The following TMEM245 variants were observed in gnomAD, a reference collection of about 807,000 sequenced individuals.
TMEM245 encodes protein CG-2.
Under a neutral mutation model 101.2 loss-of-function variants are expected in TMEM245, and 69 were observed. That is an observed-to-expected ratio of 0.68 (90% CI 0.56 to 0.83). The LOEUF is 0.83. Ranked by LOEUF, TMEM245 falls within the 40% of genes least tolerant of loss-of-function variation. The pLI is 0.00. For synonymous variants in TMEM245, 537 were observed against 449.8 expected, an observed-to-expected ratio of 1.19 and a Z score of -2.45; for missense variants, 1,075 against 1,092.8, an observed-to-expected ratio of 0.98 and a Z score of 0.23.
chr9:109,111,648 G>T (rs1830570178), intron 1 of TMEM245, among the ~76,000 whole-genome samples: 1 of 152,030 alleles, frequency 6.6e-6, no homozygotes, highest in African/African-American at 2.4e-5. Context: ...ATATTCACTT[G>T]CCATTTACAA....
intron 5 of TMEM245, 38 bp from the exon 6 acceptor site, chr9:109,087,380 T>A (rs754377957): frequency 6.6e-7 from 1 of 1,522,224 alleles, no homozygotes; most frequent in African/African-American, 1.4e-5. Context: ...AAACAAAATA[T>A]AGATTAACAA....
chr9:109,040,134 G>A (rs568437251), intron 14 of TMEM245, among the ~76,000 whole-genome samples: 8 of 152,158 alleles, frequency 5.3e-5, no homozygotes, highest in Non-Finnish European at 1.0e-4. Context: ...TAAATGCACT[G>A]TATATTGTTT....
Position 109,050,331 on chromosome 9 carries a change from G to C in TMEM245, c.2075C>G (p.Pro692Arg). Reference protein sequence around the residue: ...WVISLTPLSQPGPSSNIIGQS... With the variant: ...WVISLTPLSQRGPSSNIIGQS... Reference sequence around the variant, plus strand: ...GCCAATAATATTAGAAGAAGGACCTGGCTGAGATAGTGGAGTCAGGCTTAT... The same window carrying C: ...GCCAATAATATTAGAAGAAGGACCTCGCTGAGATAGTGGAGTCAGGCTTAT... The change falls in exon 14 of 18, where the codon CCA (proline) becomes CGA (arginine). Residue 692 changes from proline to arginine, a missense_variant. Physicochemically the swap from Pro to Arg is moderately radical, Grantham distance 103. Coordinates refer to ENST00000374586, the MANE Select transcript of TMEM245 (RefSeq NM_032012.4). 6.2e-7 allele frequency: 1 copy of C among 1,614,044 alleles called. No homozygotes were observed. The highest frequency in any genetic ancestry group is 8.5e-7 in the Non-Finnish European group (1 of 1,180,018).
intron 7 of TMEM245, among the ~76,000 whole-genome samples, chr9:109,084,137 A>G (rs1829766094): frequency 6.6e-6 from 1 of 151,848 alleles, no homozygotes. Flanking sequence ...GAAATGGGTT[A>G]CATTTCAATT....
At position 109,050,553 on chromosome 9, in the gene TMEM245, T is replaced by C. The variant is rs1230088560; in HGVS notation, c.1977+17A>G. ...CAGGGAAGGAAATATGACGTGTACT[T>C]ATCTATGTGGACGTACCAGAGAGAG... On this transcript the variant is annotated intron_variant, in intron 13 of 17. Coordinates refer to ENST00000374586, the MANE Select transcript of TMEM245 (RefSeq NM_032012.4). 3 of 1,613,910 alleles carry C rather than the reference T, an allele frequency of 1.9e-6. No individual in the cohort carries two copies. Among genetic ancestry groups the C allele is most frequent in the Non-Finnish European group, 2.5e-6 (3 of 1,179,966 alleles).
chr9:109,107,251 T>C (rs899446277), intron 2 of TMEM245, among the ~76,000 whole-genome samples: 2 of 150,960 alleles, frequency 1.3e-5, no homozygotes, highest in Non-Finnish European at 3.0e-5. Context: ...AAAAAAAAAT[T>C]AGCCAGGCGT....
chr9:109,071,586 A>G (rs1380728105), intron 9 of TMEM245, among the ~76,000 whole-genome samples: 1 of 150,800 alleles, frequency 6.6e-6, no homozygotes, highest in African/African-American at 2.4e-5. Flanking sequence ...CCTGGGTGAC[A>G]GAGCAAGACC....
At chr9:109,048,960 C>G (rs998645097) in intron 14 of TMEM245, among the ~76,000 whole-genome samples, 8 of 152,354 alleles carry the variant, frequency 5.3e-5, no homozygotes, top group Middle Eastern at 3.4e-3. Flanking sequence ...GAGGGCACAG[C>G]TTGGCTGTAG....
chr9:109,115,134 G>A (rs530348235), intron 1 of TMEM245, among the ~76,000 whole-genome samples: 93 of 152,238 alleles, frequency 6.1e-4, no homozygotes, highest in African/African-American at 2.0e-3. Flanking sequence ...ATCACCTGAG[G>A]TCAGGAGTTC....
intron 17 of TMEM245, among the ~76,000 whole-genome samples, chr9:109,026,940 C>A (rs1203118003): frequency 6.6e-6 from 1 of 152,132 alleles, no homozygotes; most frequent in Non-Finnish European, 1.5e-5. Flanking sequence ...TTTCCTGGGG[C>A]CTCACCAGAA....
intron 8 of TMEM245, among the ~76,000 whole-genome samples, chr9:109,075,201 G>T (rs1476236390): frequency 6.6e-6 from 1 of 152,064 alleles, no homozygotes; most frequent in Non-Finnish European, 1.5e-5. Flanking sequence ...ATGTTAAACG[G>T]GTTTTACATT....
intron 7 of TMEM245, among the ~76,000 whole-genome samples, 178 bp downstream of exon 7, chr9:109,085,819 G>A (rs1037378816): frequency 2.0e-5 from 3 of 152,208 alleles, no homozygotes; most frequent in Non-Finnish European, 2.9e-5. Flanking sequence ...CCTTTGCTGA[G>A]TTTTTACCAA....
intron 11 of TMEM245, among the ~76,000 whole-genome samples, chr9:109,059,461 C>G (rs1201350712): frequency 6.6e-6 from 1 of 152,156 alleles, no homozygotes; most frequent in Non-Finnish European, 1.5e-5. Context: ...CCCACAGGCC[C>G]TGCCAGATCC....
chr9:109,073,601 A>G (rs1829399266), intron 8 of TMEM245, among the ~76,000 whole-genome samples, 163 bp from the exon 9 acceptor site: 1 of 152,264 alleles, frequency 6.6e-6, no homozygotes, highest in African/African-American at 2.4e-5. Flanking sequence ...ACTATACATT[A>G]TATCTAATGA....
chr9:109,025,667 A>G (rs911823164), intron 17 of TMEM245, among the ~76,000 whole-genome samples: 1 of 152,218 alleles, frequency 6.6e-6, no homozygotes, highest in African/African-American at 2.4e-5. Context: ...GTAGAAGTGA[A>G]AGAAGTCTAT....
chr9:109,030,492 A>G (rs1827913520), intron 17 of TMEM245, among the ~76,000 whole-genome samples: 1 of 152,230 alleles, frequency 6.6e-6, no homozygotes, highest in Non-Finnish European at 1.5e-5. Flanking sequence ...GTAACTTGAA[A>G]TCATTAAGTT....
intron 3 of TMEM245, among the ~76,000 whole-genome samples, chr9:109,103,560 A>G (rs1830332503): frequency 6.6e-6 from 1 of 152,190 alleles, no homozygotes; most frequent in Non-Finnish European, 1.5e-5. Flanking sequence ...AAAAAAAAGA[A>G]TGAGATCCTG....
intron 16 of TMEM245, 38 bp from the exon 17 acceptor site, chr9:109,033,539 G>T: frequency 6.6e-7 from 1 of 1,517,482 alleles, no homozygotes; most frequent in Non-Finnish European, 8.8e-7. Flanking sequence ...CACAAAAACT[G>T]GAAAAAATCT....
intron 8 of TMEM245, among the ~76,000 whole-genome samples, chr9:109,076,858 A>G (rs1328030033): frequency 1.3e-5 from 2 of 151,216 alleles, no homozygotes; most frequent in Non-Finnish European, 3.0e-5. Flanking sequence ...GCCCAGCTAA[A>G]TTTTTAAATT....
Sources: allele counts gnomAD v4.1 joint callset (sites outside exome capture counted in the v4.1 genomes callset), GRCh38; gene constraint gnomAD v4.1.1; transcripts MANE v1.5; gene names NCBI Gene and HGNC (gene_info 2026-07-23, HGNC 2026-07-21).